The following MED28 variants were observed in gnomAD, a reference collection of about 807,000 sequenced individuals.
The protein encoded by MED28 is mediator complex subunit 28.
MED28 carries 26 observed loss-of-function variants against 21.3 expected under a neutral mutation model. The observed-to-expected ratio is 1.22, with a 90% CI of 0.89 to 1.69. MED28 has a LOEUF of 1.69. Among genes scored for constraint, MED28 ranks in the 40% most tolerant of loss-of-function variants. The pLI is 0.00. For missense variants in MED28, 257 were observed against 215.4 expected, an observed-to-expected ratio of 1.19 and a Z score of -1.21; for synonymous variants, 110 against 87.6, an observed-to-expected ratio of 1.26 and a Z score of -1.43.
intron 3 of MED28, 48 bp downstream of exon 3, chr4:17,621,747 G>A (rs1274377833): frequency 4.1e-6 from 5 of 1,232,420 alleles, no homozygotes; most frequent in Non-Finnish European, 5.8e-6. Context: ...ACTAAGTGGT[G>A]CCAGGATTCC....
chr4:17,614,764 C>T lies in MED28; in HGVS notation c.110C>T (p.Pro37Leu). The change falls in exon 1 of 4, where the codon CCT becomes CTT. Residue 37 changes from proline (P) to leucine (L), a missense_variant. Transcript: ENST00000237380. ...CTTCTTCAGGCAGCTCCAGGCGCTCCTAGACCTTCCAGCAGTACTTTGGTG... is the reference window on the plus strand; with the variant it reads ...CTTCTTCAGGCAGCTCCAGGCGCTCTTAGACCTTCCAGCAGTACTTTGGTG... ...ASLLQAAPGA[P>L]RPSSSTLVDE... The T allele has an allele frequency of 5.0e-6, 8 of 1,614,194 alleles. No homozygotes were observed. Among genetic ancestry groups the T allele is most frequent in the South Asian group, 1.1e-5 (1 of 91,086 alleles).
chr4:17,618,944 C>T (rs1714537474), intron 1 of MED28, among the ~76,000 whole-genome samples: 2 of 152,218 alleles, frequency 1.3e-5, no homozygotes, highest in South Asian at 2.1e-4. Context: ...AATTTTTGCT[C>T]GTTAAAGGGC....
rs1285893138 is a variant in MED28, at chr4:17,630,250, C to T, written c.*6452C>T. 2.6e-5 allele frequency: 4 copies of T among 152,196 alleles called. No homozygotes were observed. Among genetic ancestry groups the T allele is most frequent in the Non-Finnish European group, 5.9e-5 (4 of 68,038 alleles). The allele number at this position is 152,196 out of a possible 1,614,324, so 9.4% of individuals were successfully genotyped here. Reference sequence around the variant, plus strand: ...AAATAAAGAGCAGTCCTACAGGGTTCACTGCTATGTCCTGAATGTTGATGT... The same window carrying T: ...AAATAAAGAGCAGTCCTACAGGGTTTACTGCTATGTCCTGAATGTTGATGT... On this transcript the variant is annotated 3_prime_UTR_variant, in exon 4 of 4. Transcript: ENST00000237380.
At chr4:17,616,435 A>G (rs1714454002) in intron 1 of MED28, among the ~76,000 whole-genome samples, 1 of 152,216 alleles carries the variant, frequency 6.6e-6, no homozygotes, top group African/African-American at 2.4e-5. Context: ...TACAAGTCTT[A>G]GCCAAAGTTG....
rs1426045283 is a variant in MED28, at chr4:17,631,667, C to T, written c.*7869C>T. 6.6e-6 allele frequency: 1 copy of T among 152,138 alleles called. No individual in the cohort carries two copies. Among genetic ancestry groups the T allele is most frequent in the Non-Finnish European group, 1.5e-5 (1 of 68,036 alleles). 9.4% of individuals were successfully genotyped at this position (152,138 alleles called of 1,614,324 possible). Reference sequence around the variant, plus strand: ...AAGCCCTTTTAGAGGTGGGTGTTATCCCATCTATAATCTGCTGCTTGTCTT... The same window carrying T: ...AAGCCCTTTTAGAGGTGGGTGTTATTCCATCTATAATCTGCTGCTTGTCTT... On this transcript the variant is annotated 3_prime_UTR_variant, in exon 4 of 4. Transcript: ENST00000237380.
At position 17,614,646 on chromosome 4, in the gene MED28, A is replaced by G. The variant is rs1714382888; in HGVS notation, c.-9A>G. The G allele has an allele frequency of 6.2e-7, 1 of 1,605,974 alleles. No homozygotes were observed. Among genetic ancestry groups the G allele is most frequent in the African/African-American group, 1.3e-5 (1 of 74,492 alleles). ...AGGCGCAGTGGATCTCTCTTGCGCC[A>G]TTCCAAACATGGCGGCTCCACTAGG... On this transcript the variant is annotated 5_prime_UTR_variant, in exon 1 of 4. Transcript: ENST00000237380.
At position 17,633,961 on chromosome 4, in the gene MED28, T is replaced by A; in HGVS notation, c.*10163T>A. On this transcript the variant is annotated 3_prime_UTR_variant, in exon 4 of 4. Coordinates refer to ENST00000237380, the MANE Select transcript of MED28 (RefSeq NM_025205.5). ...AATAAAGCATTATTGTAAAAGCAAA[T>A]AATGCTCACCCAATCAAAATTGTAT... 1 of 1,187,942 alleles carries A rather than the reference T, an allele frequency of 8.4e-7. No homozygotes were observed. Among genetic ancestry groups the A allele is most frequent in the Non-Finnish European group, 1.1e-6 (1 of 899,660 alleles). The allele number at this position is 1,187,942 out of a possible 1,614,324, so 73.6% of individuals were successfully genotyped here.
rs1714707676 is a variant in MED28 at position 17,623,960 on chromosome 4, GTTAATTT to G, written c.*163_*169del. On this transcript the variant is annotated 3_prime_UTR_variant, in exon 4 of 4. Coordinates refer to ENST00000237380, the MANE Select transcript of MED28 (RefSeq NM_025205.5). ...AAATTTTCCACTATTTTTATAAGCT[GTTAATTT>G]CTTGAGTACTTTATAACATGTCTGT... is the stretch of plus-strand genomic sequence containing the variant. 1.4e-6 allele frequency: 1 copy of G among 735,784 alleles called. No homozygotes were observed. Among genetic ancestry groups the G allele is most frequent in the Non-Finnish European group, 2.2e-6 (1 of 448,690 alleles). The allele number at this position is 735,784 out of a possible 1,614,324, so 45.6% of individuals were successfully genotyped here.
At chr4:17,615,863 GT>G (rs573459741) in intron 1 of MED28, among the ~76,000 whole-genome samples, 10,240 of 152,202 alleles carry the variant, frequency 0.067, 866 homozygotes, top group African/African-American at 0.2. Context: ...TGTGACTTTT[GT>G]ATTGTATCTA....
rs1167186026 is a variant in MED28 at position 17,631,065 on chromosome 4, A to AAGAC, written c.*7269_*7272dup. ...AAATCACATTGCTCTGTCAGAAGGT[A>AAGAC]AGACAAATCAGTGTGGACTGAGAGC... is the stretch of plus-strand genomic sequence containing the variant. On this transcript the variant is annotated 3_prime_UTR_variant, in exon 4 of 4. Transcript: ENST00000237380. The AAGAC allele has an allele frequency of 4.6e-5, 7 of 152,232 alleles. No homozygotes were observed. Among genetic ancestry groups the AAGAC allele is most frequent in the African/African-American group, 1.7e-4 (7 of 41,446 alleles). The allele number at this position is 152,232 out of a possible 1,614,324, so 9.4% of individuals were successfully genotyped here.
In MED28 at chr4:17,628,929, TAG is replaced by T. The variant is rs1309524733; in HGVS notation, c.*5134_*5135del. On this transcript the variant is annotated 3_prime_UTR_variant, in exon 4 of 4. Transcript: ENST00000237380. ...AGAGGAGTACTGCACACAAGGACAG[TAG>T]AGTGTCTGTTCCCTGCAGAGGGATA... 2 of 152,168 alleles carry T rather than the reference TAG, an allele frequency of 1.3e-5. No individual in the cohort carries two copies. Among genetic ancestry groups the T allele is most frequent in the African/African-American group, 4.8e-5 (2 of 41,402 alleles). The allele number at this position is 152,168 out of a possible 1,614,324, so 9.4% of individuals were successfully genotyped here.
intron 1 of MED28, among the ~76,000 whole-genome samples, chr4:17,617,341 A>G (rs533797428): frequency 5.9e-4 from 90 of 152,122 alleles, no homozygotes; most frequent in African/African-American, 2.1e-3. Context: ...TCTCATTCCT[A>G]TTGGGGTGCC....
chr4:17,617,908 A>G (rs957319631), intron 1 of MED28, among the ~76,000 whole-genome samples: 1 of 152,122 alleles, frequency 6.6e-6, no homozygotes, highest in Non-Finnish European at 1.5e-5. Context: ...TCCATCTCAA[A>G]AAAAAAATAT....
At chr4:17,622,023 CA>C (rs1266672418) in intron 3 of MED28, among the ~76,000 whole-genome samples, 3 of 152,226 alleles carry the variant, frequency 2.0e-5, no homozygotes, top group Non-Finnish European at 4.4e-5. Context: ...TTGTTTTGGA[CA>C]AAAACTGAGA....
In MED28 at chr4:17,633,475, CTG is replaced by C. The variant is rs918509073; in HGVS notation, c.*9679_*9680del. The C allele has an allele frequency of 8.8e-6, 4 of 452,148 alleles. No individual in the cohort carries two copies. Among genetic ancestry groups the C allele is most frequent in the African/African-American group, 8.0e-5 (4 of 49,804 alleles). 28.0% of individuals were successfully genotyped at this position (452,148 alleles called of 1,614,324 possible). A position where few individuals can be genotyped will look rare whatever the true frequency, so the allele number is the denominator to read the frequency against. On this transcript the variant is annotated 3_prime_UTR_variant, in exon 4 of 4. Coordinates refer to ENST00000237380, the MANE Select transcript of MED28 (RefSeq NM_025205.5). ...GCCACAGAGCTAAGAATGAGGAAGACTGTAATTTGAATTCAGACCTCCAGGCC... is the reference window on the plus strand; with the variant it reads ...GCCACAGAGCTAAGAATGAGGAAGACTAATTTGAATTCAGACCTCCAGGCC...
chr4:17,628,506 G>A lies in MED28; in HGVS notation c.*4708G>A, dbSNP rs528717893. The A allele has an allele frequency of 8.5e-5, 13 of 152,118 alleles. No individual in the cohort carries two copies. The highest frequency in any genetic ancestry group is 1.9e-4 in the Non-Finnish European group (13 of 68,010). The allele number at this position is 152,118 out of a possible 1,614,324, so 9.4% of individuals were successfully genotyped here. On this transcript the variant is annotated 3_prime_UTR_variant, in exon 4 of 4. Coordinates refer to ENST00000237380, the MANE Select transcript of MED28 (RefSeq NM_025205.5). ...AACCAGGGCCAGAATCCTAAAAGAG[G>A]TTCTTTGTGACACCCTCTGTCTGAG...
rs766612325 is a variant in MED28 at position 17,633,808 on chromosome 4, G to A, written c.*10010G>A. The A allele has an allele frequency of 2.9e-4, 451 of 1,551,420 alleles. No homozygotes were observed. Among genetic ancestry groups the A allele is most frequent in the Non-Finnish European group, 3.6e-4 (416 of 1,146,954 alleles). On this transcript the variant is annotated 3_prime_UTR_variant, in exon 4 of 4. Transcript: ENST00000237380. ...GGGCATTAATCCTGGAACTCAGATC[G>A]CCACTCAGAAAGTTCTTTGCATAGG...
intron 3 of MED28, 145 bp downstream of exon 3, chr4:17,621,844 G>A: frequency 1.6e-6 from 1 of 641,142 alleles, no homozygotes; most frequent in South Asian, 2.0e-5. Context: ...AGTCATCCAT[G>A]TTTGGGACAA....
At position 17,624,906 on chromosome 4, in the gene MED28, A is replaced by G. The variant is rs1236052652; in HGVS notation, c.*1108A>G. 1 of 152,174 alleles carries G rather than the reference A, an allele frequency of 6.6e-6. No homozygotes were observed. The highest frequency in any genetic ancestry group is 1.5e-5 in the Non-Finnish European group (1 of 68,034). The allele number at this position is 152,174 out of a possible 1,614,324, so 9.4% of individuals were successfully genotyped here. A position where few individuals can be genotyped will look rare whatever the true frequency, so the allele number is the denominator to read the frequency against. Reference sequence around the variant, plus strand: ...TAAGAAATGGAGATTTCTGGCTCTCATTGGGTAAGGTTTTCTGAGTTTTAT... The same window carrying G: ...TAAGAAATGGAGATTTCTGGCTCTCGTTGGGTAAGGTTTTCTGAGTTTTAT... On this transcript the variant is annotated 3_prime_UTR_variant, in exon 4 of 4. Transcript: ENST00000237380.
Sources: allele counts gnomAD v4.1 joint callset (sites outside exome capture counted in the v4.1 genomes callset), GRCh38; gene constraint gnomAD v4.1.1; transcripts MANE v1.5; gene names NCBI Gene and HGNC (gene_info 2026-07-23, HGNC 2026-07-21).